Variants in DYRK3 observed in about 807,000 individuals in gnomAD.
DYRK3 encodes the protein dual specificity tyrosine-phosphorylation-regulated kinase 3.
A neutral mutation model predicts 40.8 loss-of-function variants in DYRK3; 30 were observed. That is an observed-to-expected ratio of 0.74 (90% confidence interval 0.55 to 1.00). The LOEUF is 1.00. DYRK3 is among the 50% of genes least tolerant of loss of function. DYRK3 has a pLI of 0.00. For missense variants in DYRK3, 699 were observed against 731.5 expected (o/e 0.96, Z 0.51); for synonymous variants, 272 against 260.7 (o/e 1.04, Z -0.42).
intron 1 of DYRK3, 178 bp downstream of exon 1, chr1:206,635,958 C>G (rs201295410): frequency 1.1e-5 from 14 of 1,331,212 alleles, no homozygotes; most frequent in South Asian, 2.1e-5. Flanking sequence ...CCCCTCCCCC[C>G]ATCCCTGTCT....
intron 2 of DYRK3, among the ~76,000 whole-genome samples, chr1:206,639,801 A>G (rs138991333): frequency 2.1e-3 from 327 of 152,104 alleles, no homozygotes; most frequent in African/African-American, 7.2e-3. Flanking sequence ...GATGCTATTT[A>G]CCTTCCAGTA....
chr1:206,648,642 G>C lies in DYRK3; in HGVS notation c.1444G>C (p.Asp482His). ...AAAGCGGGGTCCCCCAGGCAGCAAAGACTGGGGGACAGCACTGAAAGGGTG... is the reference window on the plus strand; with the variant it reads ...AAAGCGGGGTCCCCCAGGCAGCAAACACTGGGGGACAGCACTGAAAGGGTG... ...GKKRGPPGSK[D>H]WGTALKGCDD... The change falls in exon 3 of 3, where the codon GAC (aspartate) becomes CAC (histidine). Residue 482 changes from aspartate (D) to histidine (H), a missense_variant. Transcript: ENST00000367109. The C allele has an allele frequency of 6.2e-7, 1 of 1,613,848 alleles. No homozygotes were observed. The highest frequency in any genetic ancestry group is 8.5e-7 in the Non-Finnish European group (1 of 1,179,834).
In DYRK3 at chr1:206,649,140, A is replaced by C; in HGVS notation, c.*175A>C. On this transcript the variant is annotated 3_prime_UTR_variant, in exon 3 of 3. Transcript: ENST00000367109. ...GAATTCTTCAAGGGCTAATTACCTA[A>C]CCAGCTTGTATTGGCCATCTGGAAT... 1 of 649,196 alleles carries C rather than the reference A, an allele frequency of 1.5e-6. No individual in the cohort carries two copies. Among genetic ancestry groups the C allele is most frequent in the Non-Finnish European group, 2.5e-6 (1 of 400,660 alleles). 40.2% of individuals were successfully genotyped at this position (649,196 alleles called of 1,614,324 possible).
At position 206,653,826 on chromosome 1, in the gene DYRK3, G is replaced by C. The variant is rs868953507; in HGVS notation, c.*4861G>C. ...GGAAGTTTGACTTATGACCATATTA[G>C]TATGCTTTATTCCTTGGTGTTTAAG... On this transcript the variant is annotated 3_prime_UTR_variant, in exon 3 of 3. Transcript: ENST00000367109. 6.6e-6 allele frequency among the ~76,000 whole-genome samples: 1 copy of C among 152,192 alleles called. No individual in the cohort carries two copies.
At chr1:206,639,616 C>A (rs782160891) in intron 2 of DYRK3, among the ~76,000 whole-genome samples, 26 of 152,010 alleles carry the variant, frequency 1.7e-4, no homozygotes, top group Admixed American at 6.6e-5. Flanking sequence ...CACCAACCAA[C>A]ATGCCTGGCT....
chr1:206,652,774 G>T lies in DYRK3; in HGVS notation c.*3809G>T, dbSNP rs1671664355. Reference sequence around the variant, plus strand: ...TTGGCCACTGTTAAAAGTTTCACTTGGATCCCTGCCCAGCCATAGCAATGA... The same window carrying T: ...TTGGCCACTGTTAAAAGTTTCACTTTGATCCCTGCCCAGCCATAGCAATGA... On this transcript the variant is annotated 3_prime_UTR_variant, in exon 3 of 3. Coordinates refer to ENST00000367109, the MANE Select transcript of DYRK3 (RefSeq NM_003582.4). Among the ~76,000 whole-genome samples the T allele has an allele frequency of 6.6e-6, 1 of 152,184 alleles. No individual in the cohort carries two copies. The highest frequency in any genetic ancestry group is 2.1e-4 in the South Asian group (1 of 4,824).
At chr1:206,636,161 G>A in intron 1 of DYRK3, 1 of 921,778 alleles carries the variant, frequency 1.1e-6, no homozygotes, top group South Asian at 1.3e-5. Flanking sequence ...GCTTAGAGCG[G>A]ATAACCAACG....
chr1:206,645,336 C>T (rs538352142), intron 2 of DYRK3, among the ~76,000 whole-genome samples: 5 of 152,260 alleles, frequency 3.3e-5, no homozygotes, highest in African/African-American at 1.2e-4. Flanking sequence ...ACTACAGGCT[C>T]TCTGAAATTA....
At chr1:206,636,976 C>T in intron 1 of DYRK3, 1 of 1,589,740 alleles carries the variant, frequency 6.3e-7, no homozygotes, top group Non-Finnish European at 8.6e-7. Context: ...GAAGTAAATT[C>T]AATACATTTT....
chr1:206,645,218 G>A (rs1671415560), intron 2 of DYRK3, among the ~76,000 whole-genome samples: 1 of 151,644 alleles, frequency 6.6e-6, no homozygotes, highest in South Asian at 2.1e-4. Flanking sequence ...GTTTTGCTTA[G>A]GTTATATTAA....
In DYRK3 at chr1:206,651,384, A is replaced by G. The variant is rs1169635299; in HGVS notation, c.*2419A>G. Among the ~76,000 whole-genome samples the G allele has an allele frequency of 6.6e-6, 1 of 152,222 alleles. No individual in the cohort carries two copies. Among genetic ancestry groups the G allele is most frequent in the Non-Finnish European group, 1.5e-5 (1 of 68,040 alleles). Reference sequence around the variant, plus strand: ...CCAGGAAGATGAAACACCTTGAGAAATGGGAACATCTCTTCACTGTGTTCT... The same window carrying G: ...CCAGGAAGATGAAACACCTTGAGAAGTGGGAACATCTCTTCACTGTGTTCT... On this transcript the variant is annotated 3_prime_UTR_variant, in exon 3 of 3. Coordinates refer to ENST00000367109, the MANE Select transcript of DYRK3 (RefSeq NM_003582.4).
chr1:206,638,466 G>A (rs1553418739), intron 2 of DYRK3, among the ~76,000 whole-genome samples: 7 of 151,346 alleles, frequency 4.6e-5, no homozygotes. Context: ...TAGTAGTCAG[G>A]GGTTTCACCA....
rs1489770968 is a variant in DYRK3, at chr1:206,654,027, G to A, written c.*5062G>A. On this transcript the variant is annotated 3_prime_UTR_variant, in exon 3 of 3. Coordinates refer to ENST00000367109, the MANE Select transcript of DYRK3 (RefSeq NM_003582.4). Reference sequence around the variant, plus strand: ...GTCATGTTAAAACACTTTCTGTTTTGCTTAATTCGTAACTAGGCATAATTA... The same window carrying A: ...GTCATGTTAAAACACTTTCTGTTTTACTTAATTCGTAACTAGGCATAATTA... 6.6e-6 allele frequency among the ~76,000 whole-genome samples: 1 copy of A among 152,168 alleles called. No homozygotes were observed. The highest frequency in any genetic ancestry group is 6.5e-5 in the Admixed American group (1 of 15,274).
intron 2 of DYRK3, among the ~76,000 whole-genome samples, chr1:206,642,311 A>G (rs1671314573): frequency 6.9e-6 from 1 of 144,994 alleles, no homozygotes; most frequent in South Asian, 2.2e-4. Context: ...AGAAATAGGA[A>G]CGCTTTTACA....
chr1:206,637,885 C>T (rs1263161269), intron 2 of DYRK3, 124 bp downstream of exon 2: 4 of 645,854 alleles, frequency 6.2e-6, no homozygotes, highest in South Asian at 2.4e-5. Flanking sequence ...TTTTTGATTT[C>T]TCTTGACTTT....
rs373610786 is a variant in DYRK3, at chr1:206,637,704, C to T, written c.132C>T (p.Pro44=). Residue 44 remains proline (P), a synonymous_variant, in exon 2 of 3, where the codon CCC becomes CCT. Coordinates refer to ENST00000367109, the MANE Select transcript of DYRK3 (RefSeq NM_003582.4). ...TFMMIDETKC[P]PCSNVLCNPS... is the part of the protein sequence containing the mutation. ...TGATGATAGATGAAACCAAATGTCC[C>T]CCCTGTTCAAATGTACTCTGCAATC... is the stretch of plus-strand genomic sequence containing the variant. The T allele has an allele frequency of 2.5e-5, 40 of 1,613,784 alleles. No homozygotes were observed. The highest frequency in any genetic ancestry group is 3.3e-5 in the Non-Finnish European group (39 of 1,179,944).
rs1369234326 is a variant in DYRK3, at chr1:206,647,676, C to T, written c.478C>T (p.Leu160=). The T allele has an allele frequency of 1.9e-6, 3 of 1,614,030 alleles. No homozygotes were observed. The African/African-American group carries it at 4.0e-5, about 22-fold the overall frequency. Residue 160 remains leucine (L), a synonymous_variant, in exon 3 of 3, where the codon CTG becomes TTG. Coordinates refer to ENST00000367109, the MANE Select transcript of DYRK3 (RefSeq NM_003582.4). ...YKHHLTAYEK[L]EIINYPEIYF... is the part of the protein sequence containing the mutation. ...ACACCACCTCACTGCCTATGAGAAACTGGAAATAATTAATTATCCAGAAAT... is the reference window on the plus strand; with the variant it reads ...ACACCACCTCACTGCCTATGAGAAATTGGAAATAATTAATTATCCAGAAAT...
Position 206,649,020 on chromosome 1 carries a change from C to T in DYRK3, c.*55C>T, listed in dbSNP as rs1553420947. On this transcript the variant is annotated 3_prime_UTR_variant, in exon 3 of 3. Coordinates refer to ENST00000367109, the MANE Select transcript of DYRK3 (RefSeq NM_003582.4). ...GTGTATATTTTTATGATCTTACAAA[C>T]CTGCAAATGGAAAAAATGCAAGCCC... 1 of 1,485,678 alleles carries T rather than the reference C, an allele frequency of 6.7e-7. No homozygotes were observed. The highest frequency in any genetic ancestry group is 1.4e-5 in the African/African-American group (1 of 71,416). 92.0% of individuals were successfully genotyped at this position (1,485,678 alleles called of 1,614,324 possible). A position where few individuals can be genotyped will look rare whatever the true frequency, so the allele number is the denominator to read the frequency against.
Position 206,642,062 on chromosome 1 carries a change from G to T in DYRK3, c.189+4301G>T, listed in dbSNP as rs560779967. Among the ~76,000 whole-genome samples the T allele has an allele frequency of 1.5e-3, 230 of 150,582 alleles. 21 individuals are homozygous for T. Among genetic ancestry groups the T allele is most frequent in the African/African-American group, 5.6e-3 (228 of 40,372 alleles). On this transcript the variant is annotated intron_variant, in intron 2 of 2. Transcript: ENST00000367109. ...AGGGCTAATATCCAGAATCTACAAA[G>T]AACTTAAACAAATTTACAAGAAAAA... is the stretch of plus-strand genomic sequence containing the variant.
Sources: allele counts gnomAD v4.1 joint callset (sites outside exome capture counted in the v4.1 genomes callset), GRCh38; gene constraint gnomAD v4.1.1; transcripts MANE v1.5; gene names NCBI Gene and HGNC (gene_info 2026-07-23, HGNC 2026-07-21).